The following GNB1 variants were observed in gnomAD, a reference collection of about 807,000 sequenced individuals.
The protein encoded by GNB1 is G protein subunit beta 1.
Under a neutral mutation model 42.9 loss-of-function variants are expected in GNB1, and 2 were observed. The ratio of observed to expected loss-of-function variants is 0.05; its 90% confidence interval spans 0.02 to 0.15. GNB1 has a LOEUF of 0.15. GNB1 is among the 10% of genes least tolerant of loss of function. The probability of loss-of-function intolerance (pLI) is 1.00; values close to 1 mark genes in which losing one functional copy is unlikely to be tolerated. For missense variants in GNB1, 193 were observed against 462.2 expected, an observed-to-expected ratio of 0.42 and a Z score of 5.34; for synonymous variants, 183 against 174.7, an observed-to-expected ratio of 1.05 and a Z score of -0.38.
intron 1 of GNB1, among the ~76,000 whole-genome samples, chr1:1,854,090 T>G (rs1019581644): frequency 6.6e-6 from 1 of 152,222 alleles, no homozygotes; most frequent in Non-Finnish European, 1.5e-5. Context: ...GTTCTAGAAC[T>G]TGCTTGTTGG....
Position 1,811,380 on chromosome 1 carries a change from G to A in GNB1, c.203+4376C>T, listed in dbSNP as rs35680330. Among the ~76,000 whole-genome samples the A allele has an allele frequency of 2.6e-3, 401 of 151,606 alleles. 2 individuals are homozygous for A. The South Asian group carries it at 0.027, about 10-fold the overall frequency. On this transcript the variant is annotated intron_variant, in intron 5 of 11. Transcript: ENST00000378609. ...TGGGGTTACAGGTGTGAGCCACCGCGTCTAGCCTCATGTAGTTTTGAAAGA... is the reference window on the plus strand; with the variant it reads ...TGGGGTTACAGGTGTGAGCCACCGCATCTAGCCTCATGTAGTTTTGAAAGA...
chr1:1,881,677 G>C (rs966007439), intron 1 of GNB1, among the ~76,000 whole-genome samples: 3 of 152,188 alleles, frequency 2.0e-5, no homozygotes, highest in South Asian at 2.1e-4. Flanking sequence ...TGGGATTACA[G>C]GCATAAGCCA....
rs143810102 is a variant in GNB1, at chr1:1,849,662, A to C, written c.-95-10424T>G. Among the ~76,000 whole-genome samples, 161 of 152,188 alleles carry C rather than the reference A, an allele frequency of 1.1e-3. 1 individual carries two copies. Among genetic ancestry groups the C allele is most frequent in the East Asian group, 7.5e-3 (39 of 5,170 alleles). Reference sequence around the variant, plus strand: ...AGTGAGTCTGCCACTCAGTCTCCCAAAGTGCTGGGATTACAGGTATGACCC... The same window carrying C: ...AGTGAGTCTGCCACTCAGTCTCCCACAGTGCTGGGATTACAGGTATGACCC... On this transcript the variant is annotated intron_variant, in intron 1 of 11. Transcript: ENST00000378609.
chr1:1,834,348 C>A (rs1557913404), intron 2 of GNB1, among the ~76,000 whole-genome samples: 1 of 152,106 alleles, frequency 6.6e-6, no homozygotes. Context: ...TCATGCATCA[C>A]AAAAAACATC....
chr1:1,788,892 G>T, intron 10 of GNB1, 161 bp downstream of exon 10: 1 of 600,712 alleles, frequency 1.7e-6, no homozygotes, highest in Non-Finnish European at 3.0e-6. Flanking sequence ...CTTGCCTGGA[G>T]GGTCAGAGCT....
chr1:1,887,357 C>G (rs1041942531), intron 1 of GNB1, among the ~76,000 whole-genome samples: 3 of 152,104 alleles, frequency 2.0e-5, no homozygotes, highest in African/African-American at 4.8e-5. Flanking sequence ...CCCTGAAGAC[C>G]TTTTTCATCC....
In GNB1 at chr1:1,787,584, C is replaced by A; in HGVS notation, c.917-147G>T. 1.8e-6 allele frequency: 1 copy of A among 562,928 alleles called. No individual in the cohort carries two copies. The highest frequency in any genetic ancestry group is 3.3e-5 in the Admixed American group (1 of 30,018). 34.9% of individuals were successfully genotyped at this position (562,928 alleles called of 1,614,324 possible). A position where few individuals can be genotyped will look rare whatever the true frequency, so the allele number is the denominator to read the frequency against. On this transcript the variant is annotated intron_variant, in intron 10 of 11. Transcript: ENST00000378609. This position sits in a 1 kb window ranked among gnomAD's most constrained non-coding sequence, Gnocchi z 4.4. ...GCCAGGAAGGGAGGGAAAGTTGCAT[C>A]CACGTGGGGAATTAACCTGCAGCAT...
intron 2 of GNB1, among the ~76,000 whole-genome samples, chr1:1,835,315 T>A (rs1440233454): frequency 2.0e-5 from 3 of 152,202 alleles, no homozygotes; most frequent in Non-Finnish European, 2.9e-5. Context: ...CCAGGTGGCC[T>A]CCAGTAGGTT....
intron 1 of GNB1, among the ~76,000 whole-genome samples, chr1:1,882,656 C>T (rs955489009): frequency 1.3e-5 from 2 of 152,128 alleles, no homozygotes; most frequent in Non-Finnish European, 2.9e-5. Flanking sequence ...GGCGTGGTGG[C>T]TCACGCCTGT....
At chr1:1,813,395 G>A (rs546425164) in intron 5 of GNB1, among the ~76,000 whole-genome samples, 13 of 152,160 alleles carry the variant, frequency 8.5e-5, no homozygotes, top group Middle Eastern at 3.4e-3. Context: ...ACAGGTGTGC[G>A]CCACTGCATC....
chr1:1,836,700 G>A (rs563569365), intron 2 of GNB1, among the ~76,000 whole-genome samples: 3 of 152,178 alleles, frequency 2.0e-5, no homozygotes, highest in South Asian at 4.2e-4. Context: ...ATAGGCATAA[G>A]CCACTACACC....
intron 1 of GNB1, among the ~76,000 whole-genome samples, chr1:1,860,279 CAG>C (rs1238085642): frequency 3.9e-5 from 6 of 151,998 alleles, no homozygotes; most frequent in Non-Finnish European, 7.4e-5. Context: ...GACTATTAGA[CAG>C]GGGCATGATA....
chr1:1,846,568 A>AAATC (rs201437769), intron 1 of GNB1, among the ~76,000 whole-genome samples: 1,528 of 152,110 alleles, frequency 0.01, 32 homozygotes, highest in African/African-American at 0.034. Flanking sequence ...CTCCATCTCA[A>AAATC]AATCAATCAA....
At chr1:1,834,248 T>A (rs1647115037) in intron 2 of GNB1, among the ~76,000 whole-genome samples, 1 of 152,086 alleles carries the variant, frequency 6.6e-6, no homozygotes, top group Non-Finnish European at 1.5e-5. Flanking sequence ...GGTGAGCCAG[T>A]GAGGCACAGC....
intron 5 of GNB1, among the ~76,000 whole-genome samples, chr1:1,814,619 G>A (rs1646825385): frequency 6.6e-6 from 1 of 151,896 alleles, no homozygotes; most frequent in Non-Finnish European, 1.5e-5. Context: ...CAGCAACAAA[G>A]GGAGACCCTG....
At chr1:1,826,289 C>T (rs1021921664) in intron 2 of GNB1, among the ~76,000 whole-genome samples, 37 of 152,020 alleles carry the variant, frequency 2.4e-4, no homozygotes, top group South Asian at 4.2e-4. Context: ...TGGTGGCACA[C>T]GCCTGTAATC....
intron 1 of GNB1, among the ~76,000 whole-genome samples, chr1:1,880,499 T>C (rs914456127): frequency 6.6e-6 from 1 of 151,884 alleles, no homozygotes; most frequent in Non-Finnish European, 1.5e-5. Context: ...CGAGGCAGAA[T>C]TGCGTGAACC....
intron 5 of GNB1, 54 bp from the exon 6 acceptor site, chr1:1,806,592 A>G (rs1224332786): frequency 1.7e-6 from 2 of 1,197,250 alleles, no homozygotes; most frequent in Non-Finnish European, 2.5e-6. Flanking sequence ...CAGAAAGTGT[A>G]CAAGAGCAAC....
At chr1:1,882,579 A>T (rs1340133088) in intron 1 of GNB1, among the ~76,000 whole-genome samples, 4 of 151,620 alleles carry the variant, frequency 2.6e-5, no homozygotes, top group African/African-American at 9.7e-5. Flanking sequence ...TGGTGAAATT[A>T]AAAAAAAATC....
Sources: allele counts gnomAD v4.1 joint callset (sites outside exome capture counted in the v4.1 genomes callset), GRCh38; gene constraint gnomAD v4.1.1; non-coding constraint Gnocchi (gnomAD v3.1); transcripts MANE v1.5; gene names NCBI Gene and HGNC (gene_info 2026-07-23, HGNC 2026-07-21).